Variants in ECT2 observed in about 807,000 individuals in gnomAD.
The protein encoded by ECT2 is epithelial cell transforming 2, also known as protein ECT2.
ECT2 carries 61 observed loss-of-function variants against 116.9 expected under a neutral mutation model. That is an observed-to-expected ratio of 0.52 (90% confidence interval 0.42 to 0.65). The LOEUF (loss-of-function observed/expected upper bound fraction) is 0.65, where lower values mean the gene tolerates loss of function less well. Ranked by LOEUF, ECT2 falls within the 30% of genes least tolerant of loss-of-function variation. The pLI, the probability that ECT2 is intolerant of heterozygous loss-of-function variation, is 0.00. For synonymous variants in ECT2, 358 were observed against 346.4 expected (o/e 1.03, Z -0.37); for missense variants, 937 against 1,078.7 (o/e 0.87, Z 1.84).
chr3:172,778,588 C>CTTTTTT lies in ECT2; in HGVS notation c.1549-3555_1549-3550dup, dbSNP rs5854485. On this transcript the variant is annotated intron_variant, in intron 14 of 24. Coordinates refer to ENST00000392692, the MANE Select transcript of ECT2 (RefSeq NM_001258315.2). ...ACTTAGTTCCTGAGCTATTAGCTAT[C>CTTTTTT]TTTTTTTTTTTTTTTTTTTTTTTTT... Among the ~76,000 whole-genome samples the CTTTTTT allele has an allele frequency of 9.0e-4, 54 of 59,816 alleles. 2 individuals are homozygous for CTTTTTT. The highest frequency in any genetic ancestry group is 2.3e-3 in the African/African-American group (38 of 16,754). 39.2% of individuals were successfully genotyped at this position (59,816 alleles called of 152,430 possible).
At chr3:172,773,873 C>A (rs771788602) in intron 13 of ECT2, 30 bp from the exon 14 acceptor site, 41 of 1,600,282 alleles carry the variant, frequency 2.6e-5, no homozygotes, top group Non-Finnish European at 3.2e-5. Flanking sequence ...TTCCCACAAT[C>A]TACTTAAACT....
chr3:172,787,221 A>G (rs1723760464), intron 18 of ECT2, among the ~76,000 whole-genome samples: 3 of 152,158 alleles, frequency 2.0e-5, no homozygotes, highest in South Asian at 2.1e-4. Flanking sequence ...TGGACTGTAT[A>G]TATCAGTATA....
chr3:172,815,524 T>C (rs979964598), intron 22 of ECT2, 80 bp from the exon 23 acceptor site: 2 of 808,830 alleles, frequency 2.5e-6, no homozygotes, highest in Non-Finnish European at 2.0e-6. Flanking sequence ...AATACTCCCA[T>C]ATATAAATAT....
intron 2 of ECT2, 152 bp from the exon 3 acceptor site, chr3:172,755,143 A>C (rs745732228): frequency 5.6e-6 from 3 of 537,170 alleles, no homozygotes; most frequent in Admixed American, 7.6e-5. Context: ...TATTTTTGTA[A>C]TAAGTTGGGA....
In ECT2 at chr3:172,762,762, C is replaced by G. The variant is rs1420843429; in HGVS notation, c.961C>G (p.Leu321Val). The G allele has an allele frequency of 1.9e-6, 3 of 1,613,054 alleles. No homozygotes were observed. The highest frequency in any genetic ancestry group is 2.7e-5 in the African/African-American group (2 of 74,902). ...AGTTGAAGAGAATATAGTAAAAGATCTTCCCTTTGAACCTTCAAAGAAACT... is the reference window on the plus strand; with the variant it reads ...AGTTGAAGAGAATATAGTAAAAGATGTTCCCTTTGAACCTTCAAAGAAACT... The part of the protein sequence containing the change: ...LVVEENIVKD[L>V]PFEPSKKLYV... The change falls in exon 10 of 25, where the codon CTT becomes GTT. Residue 321 changes from leucine (L) to valine (V), a missense_variant. Leu to Val is a conservative substitution (Grantham distance 32). Transcript: ENST00000392692.
At position 172,754,665 on chromosome 3, in the gene ECT2, AC is replaced by A. The variant is rs1180865930; in HGVS notation, c.130+7del. 6.3e-7 allele frequency: 1 copy of A among 1,584,120 alleles called. No homozygotes were observed. The highest frequency in any genetic ancestry group is 8.6e-7 in the Non-Finnish European group (1 of 1,164,308). Reference sequence around the variant, plus strand: ...GATCTACTTCATATGTAGAAGGTAAACCTGTTACCTGCTTTAAAACAATCAA... The same window carrying A: ...GATCTACTTCATATGTAGAAGGTAAACTGTTACCTGCTTTAAAACAATCAA... On this transcript the variant is annotated splice_donor_region_variant and intron_variant, in intron 2 of 24. Transcript: ENST00000392692.
chr3:172,782,115 A>G, intron 14 of ECT2, 48 bp from the exon 15 acceptor site: 4 of 1,122,208 alleles, frequency 3.6e-6, no homozygotes, highest in Non-Finnish European at 5.1e-6. Context: ...AAGTTGTATA[A>G]GGAGCTGTCA....
Position 172,754,514 on chromosome 3 carries a change from T to A in ECT2, c.-17T>A. 3 of 1,579,404 alleles carry A rather than the reference T, an allele frequency of 1.9e-6. No homozygotes were observed. The highest frequency in any genetic ancestry group is 1.7e-6 in the Non-Finnish European group (2 of 1,165,944). On this transcript the variant is annotated 5_prime_UTR_variant, in exon 2 of 25. Coordinates refer to ENST00000392692, the MANE Select transcript of ECT2 (RefSeq NM_001258315.2). ...TTCAAATTTTATTTTTTCAGCTGAT[T>A]TAGAAGAATACAAATCATGGCTGAA...
rs1483310854 is a variant in ECT2 at position 172,821,282 on chromosome 3, T to A, written c.*1045T>A. The A allele has an allele frequency of 6.6e-6, 1 of 151,944 alleles. No homozygotes were observed. The highest frequency in any genetic ancestry group is 6.6e-5 in the Admixed American group (1 of 15,254). 9.4% of individuals were successfully genotyped at this position (151,944 alleles called of 1,614,324 possible). A position where few individuals can be genotyped will look rare whatever the true frequency, so the allele number is the denominator to read the frequency against. On this transcript the variant is annotated 3_prime_UTR_variant, in exon 25 of 25. Transcript: ENST00000392692. ...TATGGATAAATGCATTTTTATTTCC[T>A]ATTTCTTTAGGGAGTGCTACAAATG...
chr3:172,823,507 T>C (rs1470655951), downstream of ECT2, among the ~76,000 whole-genome samples: 1 of 152,174 alleles, frequency 6.6e-6, no homozygotes, highest in Admixed American at 6.5e-5. Context: ...ATGTCTGTTG[T>C]GAATATAAAA....
chr3:172,802,476 T>C (rs1726895920), intron 18 of ECT2, 140 bp from the exon 19 acceptor site: 2 of 540,188 alleles, frequency 3.7e-6, no homozygotes, highest in Admixed American at 7.9e-5. Context: ...TTTAATGTAA[T>C]GGGATACTTT....
chr3:172,776,650 A>C (rs952586212), intron 14 of ECT2, among the ~76,000 whole-genome samples: 1 of 152,120 alleles, frequency 6.6e-6, no homozygotes, highest in African/African-American at 2.4e-5. Flanking sequence ...CTTTATTTGT[A>C]TAACTTCAAA....
chr3:172,776,574 C>T (rs984358865), intron 14 of ECT2, among the ~76,000 whole-genome samples: 3 of 151,976 alleles, frequency 2.0e-5, no homozygotes, highest in Non-Finnish European at 4.4e-5. Flanking sequence ...AATGTGAAAC[C>T]GGTACACACA....
chr3:172,812,199 G>A (rs1197360601), intron 22 of ECT2, among the ~76,000 whole-genome samples: 2 of 152,136 alleles, frequency 1.3e-5, no homozygotes, highest in South Asian at 4.1e-4. Flanking sequence ...GGCCAGCCAC[G>A]CTGGTCTTGA....
rs1328233186 is a variant in ECT2, at chr3:172,762,466, C to T, written c.809C>T (p.Pro270Leu). 2 of 1,598,106 alleles carry T rather than the reference C, an allele frequency of 1.3e-6. No homozygotes were observed. The highest frequency in any genetic ancestry group is 1.7e-6 in the Non-Finnish European group (2 of 1,176,406). ...TTTAGAAATGAATTTAAAGTTCCTC[C>T]ATTTCAAGATTGTATTTTAAGTTTC... ...DDFRNEFKVP[P>L]FQDCILSFLG... The change falls in exon 9 of 25, where the codon CCA becomes CTA. Residue 270 changes from proline (P) to leucine (L), a missense_variant. Coordinates refer to ENST00000392692, the MANE Select transcript of ECT2 (RefSeq NM_001258315.2).
intron 13 of ECT2, among the ~76,000 whole-genome samples, chr3:172,773,630 A>T (rs1339743419): frequency 6.6e-6 from 1 of 152,214 alleles, no homozygotes; most frequent in South Asian, 2.1e-4. Context: ...TCATACTAAC[A>T]ATTTTAATGA....
At chr3:172,778,118 A>C (rs1054727870) in intron 14 of ECT2, among the ~76,000 whole-genome samples, 1 of 152,200 alleles carries the variant, frequency 6.6e-6, no homozygotes, top group African/African-American at 2.4e-5. Flanking sequence ...GTGCAGAATA[A>C]ATCTTAACAA....
intron 24 of ECT2, 41 bp from the exon 25 acceptor site, chr3:172,820,107 A>G (rs1380828520): frequency 1.3e-6 from 2 of 1,503,864 alleles, no homozygotes; most frequent in South Asian, 2.4e-5. Context: ...ATTTTTTTAA[A>G]GGAAAATTTA....
intron 23 of ECT2, among the ~76,000 whole-genome samples, chr3:172,816,362 C>T (rs1019674801): frequency 3.9e-5 from 6 of 152,060 alleles, no homozygotes; most frequent in African/African-American, 1.4e-4. Flanking sequence ...TGAATTCCTT[C>T]ACTCTTTCAA....
Sources: gnomAD v4.1 joint callset for allele counts (sites outside exome capture counted in the v4.1 genomes callset) on GRCh38, gnomAD v4.1.1 for gene constraint, MANE v1.5 for transcripts, NCBI Gene and HGNC (gene_info 2026-07-23, HGNC 2026-07-21) for gene names.